Variants in LRBA observed in about 807,000 individuals in gnomAD.
LRBA encodes the protein lipopolysaccharide-responsive and beige-like anchor protein.
Under a neutral mutation model 330.0 loss-of-function variants are expected in LRBA, and 176 were observed. The observed-to-expected ratio is 0.53, with a 90% CI of 0.47 to 0.60. The LOEUF (loss-of-function observed/expected upper bound fraction) is 0.60. LRBA is among the 20% of genes least tolerant of loss of function. The pLI, the probability that LRBA is intolerant of heterozygous loss-of-function variation, is 0.00. For missense variants in LRBA, 3,259 were observed against 3,444.8 expected, an observed-to-expected ratio of 0.95 and a Z score of 1.35; for synonymous variants, 1,230 against 1,193.0, an observed-to-expected ratio of 1.03 and a Z score of -0.64.
intron 2 of LRBA, among the ~76,000 whole-genome samples, chr4:150,929,743 A>T (rs142267290): frequency 7.3e-4 from 111 of 152,336 alleles, no homozygotes; most frequent in African/African-American, 2.4e-3. Context: ...AATTGTGTAA[A>T]GGAATTAAAA....
intron 34 of LRBA, among the ~76,000 whole-genome samples, chr4:150,773,931 T>A (rs1027664487): frequency 2.0e-5 from 3 of 152,166 alleles, no homozygotes; most frequent in South Asian, 2.1e-4. Flanking sequence ...CAAAGTCCAA[T>A]AATCTGATTA....
intron 34 of LRBA, among the ~76,000 whole-genome samples, chr4:150,767,642 C>T (rs573243798): frequency 7.8e-4 from 118 of 151,124 alleles, no homozygotes; most frequent in Non-Finnish European, 9.6e-4. Context: ...CCTGTAGTCC[C>T]GGCTTCTCAG....
At chr4:150,522,499 C>T (rs750673271) in intron 40 of LRBA, among the ~76,000 whole-genome samples, 15 of 152,174 alleles carry the variant, frequency 9.9e-5, no homozygotes, top group Non-Finnish European at 2.2e-4. Context: ...TTGAGTCTGC[C>T]ACACCTATTA....
intron 47 of LRBA, among the ~76,000 whole-genome samples, chr4:150,353,778 G>A (rs570520818): frequency 3.4e-4 from 51 of 152,014 alleles, no homozygotes; most frequent in African/African-American, 1.1e-3. Flanking sequence ...AGTAATTCGC[G>A]GAACTATTGG....
chr4:150,690,282 T>C (rs1485032800), intron 36 of LRBA, among the ~76,000 whole-genome samples: 2 of 151,942 alleles, frequency 1.3e-5, no homozygotes, highest in South Asian at 4.1e-4. Flanking sequence ...GGCAGGTAGA[T>C]CACAAGGTCA....
chr4:150,749,198 A>AT (rs1372525403), intron 35 of LRBA, among the ~76,000 whole-genome samples: 2 of 152,108 alleles, frequency 1.3e-5, no homozygotes, highest in African/African-American at 4.8e-5. Context: ...ATGACCCTGA[A>AT]TTTGGCAATG....
chr4:150,602,935 A>G (rs1326552041), intron 37 of LRBA, among the ~76,000 whole-genome samples: 2 of 152,216 alleles, frequency 1.3e-5, no homozygotes, highest in Non-Finnish European at 1.5e-5. Context: ...CTGGCACCTT[A>G]TAAGTACATA....
At chr4:150,870,491 A>T in intron 20 of LRBA, 34 bp downstream of exon 20, 1 of 1,103,828 alleles carries the variant, frequency 9.1e-7, no homozygotes, top group Non-Finnish European at 1.4e-6. Context: ...AAGTAGCAAA[A>T]GGTAGTTTTT....
chr4:150,362,367 T>C (rs943680745), intron 47 of LRBA, among the ~76,000 whole-genome samples: 6 of 152,224 alleles, frequency 3.9e-5, no homozygotes, highest in African/African-American at 9.6e-5. Context: ...TTTGTTCAGT[T>C]ATTCTATCGG....
At chr4:150,269,607 A>C (rs1458465349) in intron 56 of LRBA, among the ~76,000 whole-genome samples, 1 of 152,266 alleles carries the variant, frequency 6.6e-6, no homozygotes, top group Non-Finnish European at 1.5e-5. Flanking sequence ...CAAAAGAGAC[A>C]AGATAACAAA....
At chr4:150,304,822 T>C (rs1326235664) in intron 52 of LRBA, among the ~76,000 whole-genome samples, 3 of 152,070 alleles carry the variant, frequency 2.0e-5, no homozygotes, top group African/African-American at 7.2e-5. Context: ...AAGACAAAAG[T>C]TAGGTAGCTG....
At chr4:150,399,495 C>T (rs760481301) in intron 47 of LRBA, among the ~76,000 whole-genome samples, 2 of 152,016 alleles carry the variant, frequency 1.3e-5, no homozygotes, top group African/African-American at 2.4e-5. Flanking sequence ...GCTACAGTTG[C>T]GAAAACAAAG....
intron 44 of LRBA, among the ~76,000 whole-genome samples, chr4:150,467,088 C>G (rs895088330): frequency 6.6e-6 from 1 of 151,984 alleles, no homozygotes; most frequent in Admixed American, 6.6e-5. Flanking sequence ...TCAAAAATGT[C>G]CCAGTAATAA....
rs143258089 is a variant in LRBA, at chr4:150,335,284, T to G, written c.7363-9386A>C. ...AATACTATGCAGCCATTAAAATGAG[T>G]TGAATACACCTGACATAGAAACTAG... On this transcript the variant is annotated intron_variant, in intron 48 of 56. Coordinates refer to ENST00000651943, the MANE Select transcript of LRBA (RefSeq NM_001364905.1). 9.9e-5 allele frequency among the ~76,000 whole-genome samples: 15 copies of G among 151,832 alleles called. No homozygotes were observed. In the East Asian group the frequency reaches 2.7e-3, roughly 27 times the overall value.
chr4:150,325,745 G>GT lies in LRBA; in HGVS notation c.7452+63dup, dbSNP rs1242047663. The GT allele has an allele frequency of 3.7e-5, 41 of 1,108,648 alleles. No individual in the cohort carries two copies. The African/African-American group carries it at 4.7e-4, about 13-fold the overall frequency. The allele number at this position is 1,108,648 out of a possible 1,614,324, so 68.7% of individuals were successfully genotyped here. A position where few individuals can be genotyped will look rare whatever the true frequency, so the allele number is the denominator to read the frequency against. ...AGAAACTCAAGCACAATGAAAGACTGTTATGAATATCAAGCGGATCTGAAG... is the reference window on the plus strand; with the variant it reads ...AGAAACTCAAGCACAATGAAAGACTGTTTATGAATATCAAGCGGATCTGAAG... On this transcript the variant is annotated intron_variant, in intron 49 of 56. Coordinates refer to ENST00000651943, the MANE Select transcript of LRBA (RefSeq NM_001364905.1).
chr4:150,305,473 C>A (rs1032563804), intron 52 of LRBA, among the ~76,000 whole-genome samples: 1 of 152,190 alleles, frequency 6.6e-6, no homozygotes, highest in Admixed American at 6.5e-5. Flanking sequence ...AAGCATTAGG[C>A]CTTCTTACCT....
At chr4:150,784,781 T>C (rs1738793691) in intron 34 of LRBA, among the ~76,000 whole-genome samples, 1 of 152,130 alleles carries the variant, frequency 6.6e-6, no homozygotes, top group South Asian at 2.1e-4. Context: ...CGTGTGTCAG[T>C]GTCATTTTAT....
chr4:150,655,061 T>C (rs1236554088), intron 37 of LRBA, among the ~76,000 whole-genome samples: 1 of 152,190 alleles, frequency 6.6e-6, no homozygotes, highest in Non-Finnish European at 1.5e-5. Flanking sequence ...ATATACCCAA[T>C]ACTGGGATGG....
chr4:150,737,523 A>AAAAAGAAAAG (rs70941433), intron 35 of LRBA, among the ~76,000 whole-genome samples: 14 of 149,864 alleles, frequency 9.3e-5, no homozygotes, highest in Middle Eastern at 3.4e-3. Context: ...AAAGAAAAGA[A>AAAAAGAAAAG]AAAAGAAAAG....
Sources: gnomAD v4.1 joint callset for allele counts (sites outside exome capture counted in the v4.1 genomes callset) on GRCh38, gnomAD v4.1.1 for gene constraint, MANE v1.5 for transcripts, NCBI Gene and HGNC (gene_info 2026-07-23, HGNC 2026-07-21) for gene names.